Variants in MYO1F observed in about 807,000 individuals in gnomAD.
The protein encoded by MYO1F is myosin IF.
MYO1F carries 60 observed loss-of-function variants against 146.6 expected under a neutral mutation model. That is an observed-to-expected ratio of 0.41 (90% CI 0.33 to 0.51). The LOEUF (loss-of-function observed/expected upper bound fraction) is 0.51, where lower values mean the gene tolerates loss of function less well. Ranked by LOEUF, MYO1F falls within the 20% of genes least tolerant of loss-of-function variation. The pLI, the probability that MYO1F is intolerant of heterozygous loss-of-function variation, is 0.25. For missense variants in MYO1F, 1,274 were observed against 1,534.3 expected, an observed-to-expected ratio of 0.83 and a Z score of 2.83; for synonymous variants, 602 against 602.1, an observed-to-expected ratio of 1.00 and a Z score of 0.00.
At chr19:8,566,115 A>G (rs1187346989) in intron 1 of MYO1F, among the ~76,000 whole-genome samples, 1 of 149,634 alleles carries the variant, frequency 6.7e-6, no homozygotes, top group African/African-American at 2.4e-5. Flanking sequence ...AAAAAACCCA[A>G]ACACCAAACT....
intron 25 of MYO1F, among the ~76,000 whole-genome samples, chr19:8,524,477 C>A (rs1972184667): frequency 1.3e-5 from 2 of 148,404 alleles, no homozygotes; most frequent in South Asian, 4.2e-4. Context: ...CCCAGCTACT[C>A]AGGGGGCTGA....
At position 8,527,423 on chromosome 19, in the gene MYO1F, C is replaced by T; in HGVS notation, c.2389G>A (p.Val797Met). 1 of 1,614,100 alleles carries T rather than the reference C, an allele frequency of 6.2e-7. No homozygotes were observed. Among genetic ancestry groups the T allele is most frequent in the South Asian group, 1.1e-5 (1 of 91,066 alleles). Residue 797 changes from valine (V) to methionine (M), a missense_variant, in exon 22 of 28, where the codon GTG (valine) becomes ATG (methionine). Physicochemically the swap from Val to Met is conservative, Grantham distance 21 (BLOSUM62 1). Around this residue, in one of 2 missense-constraint regions of MYO1F, gnomAD observed 900 missense variants for 1,155.1 expected, o/e 0.78. Transcript: ENST00000644032. ...TGGCCCTTCTCAGGTCCCTTCTTCA[C>T]TTTCTCTCGCCCAATCACATACACA... ...KCVYVIGREK[V>M]KKGPEKGQVC...
At chr19:8,541,432 T>TTTTG (rs1972965508) in intron 15 of MYO1F, among the ~76,000 whole-genome samples, 4 of 146,468 alleles carry the variant, frequency 2.7e-5, no homozygotes, top group African/African-American at 1.0e-4. Context: ...TGTGTTTTTT[T>TTTTG]TTTTTTTTTT....
At chr19:8,549,827 G>C in intron 10 of MYO1F, 1 of 400,380 alleles carries the variant, frequency 2.5e-6, no homozygotes, top group South Asian at 2.4e-5. Context: ...TAGAGACAGG[G>C]TCTTGCTCTG....
rs1024447695 is a variant in MYO1F at position 8,563,244 on chromosome 19, C to T, written c.4-7448G>A. On this transcript the variant is annotated intron_variant, in intron 1 of 27. Coordinates refer to ENST00000644032, the MANE Select transcript of MYO1F (RefSeq NM_012335.4). ...CTGACCTCAGGTGATCCACCCGCCT[C>T]GGCCTCCCAAAATGCTGGGATTATA... Among the ~76,000 whole-genome samples the T allele has an allele frequency of 4.0e-5, 6 of 150,978 alleles. No individual in the cohort carries two copies. In the South Asian group the frequency reaches 8.4e-4, roughly 21 times the overall value.
At chr19:8,548,174 C>A (rs1314442261) in intron 11 of MYO1F, 52 bp from the exon 12 acceptor site, 1 of 1,613,480 alleles carries the variant, frequency 6.2e-7, no homozygotes, top group Admixed American at 1.7e-5. Context: ...GCTGGAAGTT[C>A]TTGTGGCCAC....
chr19:8,549,989 G>A, intron 10 of MYO1F, 171 bp downstream of exon 10: 1 of 721,692 alleles, frequency 1.4e-6, no homozygotes, highest in Non-Finnish European at 2.4e-6. Context: ...TGTAGAGATG[G>A]GGGTCTTGCT....
chr19:8,554,684 G>A lies in MYO1F; in HGVS notation c.201C>T (p.Thr67=), dbSNP rs367916306. 109 of 1,613,802 alleles carry A rather than the reference G, an allele frequency of 6.8e-5. No homozygotes were observed. Among genetic ancestry groups the A allele is most frequent in the East Asian group, 1.1e-4 (5 of 44,858 alleles). The change falls in exon 3 of 28, where the codon ACC becomes ACT. Residue 67 remains threonine, a synonymous_variant. Coordinates refer to ENST00000644032, the MANE Select transcript of MYO1F (RefSeq NM_012335.4). The part of the protein sequence containing the change: ...VNPFKQMPYF[T]DREIDLYQGA... ...CCTGATAGAGGTCGATCTCACGGTC[G>A]GTGAAGTAGGGCATCTGCTTGAAGG... is the stretch of plus-strand genomic sequence containing the variant.
intron 15 of MYO1F, 102 bp downstream of exon 15, chr19:8,541,804 G>A: frequency 9.4e-7 from 1 of 1,064,604 alleles, no homozygotes; most frequent in Admixed American, 1.7e-5. Flanking sequence ...CCTCGAGTTT[G>A]TGGCGAGATG....
intron 1 of MYO1F, among the ~76,000 whole-genome samples, chr19:8,574,655 T>TTTC (rs2042197178): frequency 2.1e-5 from 1 of 47,580 alleles, no homozygotes; most frequent in Non-Finnish European, 4.8e-5. Context: ...CCTTTCTTTC[T>TTTC]CTTTCTTCTT....
intron 14 of MYO1F, chr19:8,543,978 C>CTGGTGGTGGTGGTGGTGGTGATGG (rs1345703648): frequency 6.0e-6 from 1 of 167,072 alleles, no homozygotes; most frequent in African/African-American, 9.8e-5. Context: ...GGTGCTGGTG[C>CTGGTGGTGGTGGTGGTGGTGATGG]TGGTGCTGGT....
intron 13 of MYO1F, among the ~76,000 whole-genome samples, chr19:8,544,667 G>T (rs1361211842): frequency 6.6e-6 from 1 of 152,004 alleles, no homozygotes; most frequent in Non-Finnish European, 1.5e-5. Context: ...GGGGGGCAAG[G>T]GTGTGTGGGG....
rs1599933906 is a variant in MYO1F, at chr19:8,536,181, C to T, written c.2043+71G>A. On this transcript the variant is annotated intron_variant, in intron 19 of 27. Coordinates refer to ENST00000644032, the MANE Select transcript of MYO1F (RefSeq NM_012335.4). ...TGTCTCCCTCTGTCTCTCTCTCTCT[C>T]TCTCAGTCCCTCTCTATACCTTTCT... 4 of 1,559,224 alleles carry T rather than the reference C, an allele frequency of 2.6e-6. No homozygotes were observed. The East Asian group carries it at 6.7e-5, about 26-fold the overall frequency.
chr19:8,535,588 G>A (rs1411021987), intron 19 of MYO1F, among the ~76,000 whole-genome samples: 2 of 151,718 alleles, frequency 1.3e-5, no homozygotes, highest in East Asian at 3.9e-4. Context: ...GTTTTATTTT[G>A]CCTTTTTTCT....
intron 1 of MYO1F, among the ~76,000 whole-genome samples, chr19:8,574,599 T>TCTC (rs1568381307): frequency 1.4e-3 from 64 of 47,296 alleles, no homozygotes; most frequent in East Asian, 5.7e-3. Flanking sequence ...CTCTCTCTCT[T>TCTC]TCTTTCTTTC....
At chr19:8,567,926 C>G (rs992803588) in intron 1 of MYO1F, among the ~76,000 whole-genome samples, 5 of 152,248 alleles carry the variant, frequency 3.3e-5, no homozygotes, top group African/African-American at 9.6e-5. Context: ...CCCCAGGCCA[C>G]TTCCCCTCAC....
intron 19 of MYO1F, among the ~76,000 whole-genome samples, chr19:8,533,516 G>C (rs1436938097): frequency 1.3e-5 from 2 of 151,780 alleles, no homozygotes; most frequent in Non-Finnish European, 2.9e-5. Context: ...CACCATGCCT[G>C]GCTAACTTTT....
chr19:8,551,496 C>T lies in MYO1F; in HGVS notation c.771+244G>A, dbSNP rs10409059. ...CCTCCCCAGTAGCTGGGATTACAGT[C>T]ACACGCCACCACATCTGGCTAATTT... is the stretch of plus-strand genomic sequence containing the variant. On this transcript the variant is annotated intron_variant, in intron 8 of 27. Transcript: ENST00000644032. The T allele has an allele frequency of 0.094, 47,632 of 504,648 alleles. 5,482 individuals are homozygous for T. Among genetic ancestry groups the T allele is most frequent in the African/African-American group, 0.38 (19,507 of 51,118 alleles). The allele number at this position is 504,648 out of a possible 1,614,324, so 31.3% of individuals were successfully genotyped here. A position where few individuals can be genotyped will look rare whatever the true frequency, so the allele number is the denominator to read the frequency against.
At chr19:8,523,551 A>G (rs1305318974) in intron 25 of MYO1F, among the ~76,000 whole-genome samples, 1 of 151,224 alleles carries the variant, frequency 6.6e-6, no homozygotes, top group African/African-American at 2.4e-5. Context: ...GGGTCTCACT[A>G]TGTTGCTCAG....
Sources: allele counts gnomAD v4.1 joint callset (sites outside exome capture counted in the v4.1 genomes callset), GRCh38; gene constraint gnomAD v4.1.1; regional missense constraint gnomAD v4.1.1; transcripts MANE v1.5; gene names NCBI Gene and HGNC (gene_info 2026-07-23, HGNC 2026-07-21).